Variants in CPNE4 observed in about 807,000 individuals in gnomAD.
The protein encoded by CPNE4 is copine 4, also known as copine-4.
A neutral mutation model predicts 67.9 loss-of-function variants in CPNE4; 25 were observed. The observed-to-expected ratio is 0.37, with a 90% CI of 0.27 to 0.51. CPNE4 has a LOEUF of 0.51. Ranked by LOEUF, CPNE4 falls within the 20% of genes least tolerant of loss-of-function variation. The pLI, the probability that CPNE4 is intolerant of heterozygous loss-of-function variation, is 0.93. For missense variants in CPNE4, 464 were observed against 690.8 expected (o/e 0.67, Z 3.68); for synonymous variants, 242 against 244.9 (o/e 0.99, Z 0.11).
chr3:131,705,161 A>C (rs1352075197), intron 3 of CPNE4, among the ~76,000 whole-genome samples: 1 of 152,202 alleles, frequency 6.6e-6, no homozygotes, highest in East Asian at 1.9e-4. Flanking sequence ...CTACATGAGA[A>C]GTTTGGAATC....
chr3:131,664,916 G>A (rs1246301185), intron 7 of CPNE4, among the ~76,000 whole-genome samples: 1 of 152,178 alleles, frequency 6.6e-6, no homozygotes, highest in Non-Finnish European at 1.5e-5. Context: ...ATTTTAGCAT[G>A]TTGTGGTGTT....
intron 2 of CPNE4, among the ~76,000 whole-genome samples, chr3:131,870,422 G>A (rs2087148600): frequency 6.6e-6 from 1 of 152,096 alleles, no homozygotes; most frequent in Non-Finnish European, 1.5e-5. Flanking sequence ...CTAATAATCA[G>A]GCACAAAGAG....
chr3:132,010,831 G>C (rs1314797680), intron 1 of CPNE4, among the ~76,000 whole-genome samples: 1 of 152,102 alleles, frequency 6.6e-6, no homozygotes, highest in Non-Finnish European at 1.5e-5. Context: ...AGTTGTTAGA[G>C]TCCTGTCCTT....
At chr3:131,864,715 T>C (rs972969289) in intron 2 of CPNE4, among the ~76,000 whole-genome samples, 2 of 151,984 alleles carry the variant, frequency 1.3e-5, no homozygotes, top group African/African-American at 4.8e-5. Context: ...TCCTGCTTGA[T>C]TGCCCTGGCC....
At chr3:131,729,553 G>C (rs926559817) in intron 2 of CPNE4, among the ~76,000 whole-genome samples, 2 of 152,198 alleles carry the variant, frequency 1.3e-5, no homozygotes, top group Non-Finnish European at 2.9e-5. Context: ...CAAACAAGTT[G>C]CAGATCTCAA....
At chr3:131,630,011 A>G (rs1009329548) in intron 7 of CPNE4, among the ~76,000 whole-genome samples, 3 of 152,130 alleles carry the variant, frequency 2.0e-5, no homozygotes, top group African/African-American at 7.2e-5. Context: ...ATATGAGATG[A>G]TAAAATTGCT....
At chr3:131,654,547 ATTG>A (rs2079900314) in intron 7 of CPNE4, among the ~76,000 whole-genome samples, 2 of 152,106 alleles carry the variant, frequency 1.3e-5, no homozygotes, top group Admixed American at 6.5e-5. Flanking sequence ...TCATTCACCT[ATTG>A]TTAATCACAA....
chr3:131,831,205 T>C (rs2085355816), intron 2 of CPNE4, among the ~76,000 whole-genome samples: 1 of 152,192 alleles, frequency 6.6e-6, no homozygotes, highest in African/African-American at 2.4e-5. Flanking sequence ...ATTTTAAAAA[T>C]TCAGTTGTCT....
At chr3:131,824,438 A>G (rs1296286606) in intron 2 of CPNE4, among the ~76,000 whole-genome samples, 1 of 152,206 alleles carries the variant, frequency 6.6e-6, no homozygotes, top group Non-Finnish European at 1.5e-5. Context: ...GTACATCAGC[A>G]ACCTTTGAAA....
chr3:131,951,568 CGGTCTCCCTCTCCCTCTCTTTCCAT>C (rs373798372), intron 1 of CPNE4, among the ~76,000 whole-genome samples: 4,791 of 149,246 alleles, frequency 0.032, 238 homozygotes, highest in African/African-American at 0.12. Context: ...TCTCTTTCCA[CGGTCTCCCTCTCCCTCTCTTTCCAT>C]GGTCTCCCTC....
intron 12 of CPNE4, among the ~76,000 whole-genome samples, chr3:131,553,427 T>A (rs1318909103): frequency 6.6e-6 from 1 of 152,070 alleles, no homozygotes. Flanking sequence ...TTTCTTGGCC[T>A]CCAGGGCCTG....
chr3:131,673,990 A>G (rs114959634), intron 6 of CPNE4, among the ~76,000 whole-genome samples: 3,374 of 146,328 alleles, frequency 0.023, 125 homozygotes, highest in African/African-American at 0.081. Context: ...TGTTTCTTCT[A>G]TACTCAGTTT....
intron 10 of CPNE4, among the ~76,000 whole-genome samples, chr3:131,573,869 A>G (rs2107680282): frequency 6.6e-6 from 1 of 152,156 alleles, no homozygotes; most frequent in East Asian, 1.9e-4. Context: ...TAAAGAGGAG[A>G]CCAAACTCTA....
At chr3:131,872,047 C>G (rs2087232249) in intron 2 of CPNE4, among the ~76,000 whole-genome samples, 2 of 152,160 alleles carry the variant, frequency 1.3e-5, no homozygotes, top group Non-Finnish European at 2.9e-5. Flanking sequence ...GTTCCCCTAC[C>G]TTGACCTGGG....
intron 15 of CPNE4, among the ~76,000 whole-genome samples, chr3:131,540,115 C>T (rs1439594444): frequency 1.3e-5 from 2 of 152,192 alleles, no homozygotes; most frequent in African/African-American, 4.8e-5. Flanking sequence ...AACACAATTA[C>T]CCCTCATCCA....
At chr3:132,032,081 A>C (rs1342395523) in intron 1 of CPNE4, among the ~76,000 whole-genome samples, 1 of 152,242 alleles carries the variant, frequency 6.6e-6, no homozygotes. Context: ...CCTTAAGACA[A>C]ACCAATAATT....
At chr3:131,795,678 AC>A (rs1239476308) in intron 2 of CPNE4, among the ~76,000 whole-genome samples, 2 of 152,176 alleles carry the variant, frequency 1.3e-5, no homozygotes, top group African/African-American at 4.8e-5. Flanking sequence ...CCTGTGCTTC[AC>A]ATTTGTCATC....
intron 1 of CPNE4, among the ~76,000 whole-genome samples, chr3:131,944,759 A>G (rs938340623): frequency 1.3e-5 from 2 of 152,170 alleles, no homozygotes; most frequent in African/African-American, 4.8e-5. Context: ...GAAGATGAAT[A>G]TTTCAGTGCT....
intron 6 of CPNE4, among the ~76,000 whole-genome samples, chr3:131,680,280 T>G (rs2080710847): frequency 6.7e-6 from 1 of 149,404 alleles, no homozygotes. Flanking sequence ...TTTTGCTTGG[T>G]AAATTTTCCT....
Sources: gnomAD v4.1 joint callset for allele counts (sites outside exome capture counted in the v4.1 genomes callset) on GRCh38, gnomAD v4.1.1 for gene constraint, MANE v1.5 for transcripts, NCBI Gene and HGNC (gene_info 2026-07-23, HGNC 2026-07-21) for gene names.